Variants in XRCC4 observed in about 807,000 individuals in gnomAD.
The protein encoded by XRCC4 is DNA repair protein XRCC4.
XRCC4 carries 28 observed loss-of-function variants against 39.1 expected under a neutral mutation model. That is an observed-to-expected ratio of 0.72 (90% CI 0.53 to 0.98). The LOEUF (loss-of-function observed/expected upper bound fraction) is 0.98, where lower values mean the gene tolerates loss of function less well. Among genes scored for constraint, XRCC4 ranks in the 50% least tolerant of loss-of-function variants. XRCC4 has a pLI of 0.00. For missense variants in XRCC4, 350 were observed against 376.4 expected (o/e 0.93, Z 0.58); for synonymous variants, 123 against 126.4 (o/e 0.97, Z 0.18).
At chr5:83,212,797 C>T (rs534577053) in intron 6 of XRCC4, among the ~76,000 whole-genome samples, 1 of 151,584 alleles carries the variant, frequency 6.6e-6, no homozygotes, top group Non-Finnish European at 1.5e-5. Context: ...CATGGTGGCA[C>T]GTGCCTGTAA....
chr5:83,326,262 C>G (rs950185728), intron 7 of XRCC4, among the ~76,000 whole-genome samples: 1 of 151,936 alleles, frequency 6.6e-6, no homozygotes, highest in Non-Finnish European at 1.5e-5. Context: ...TTTAAGTAGA[C>G]CCCGTTTGTC....
At chr5:83,157,438 G>T (rs1561369637) in intron 3 of XRCC4, among the ~76,000 whole-genome samples, 1 of 152,010 alleles carries the variant, frequency 6.6e-6, no homozygotes, top group East Asian at 1.9e-4. Flanking sequence ...GAATGGATAG[G>T]CAAGGCTTGC....
intron 7 of XRCC4, among the ~76,000 whole-genome samples, chr5:83,341,908 A>G (rs1756770825): frequency 6.6e-6 from 1 of 152,208 alleles, no homozygotes; most frequent in South Asian, 2.1e-4. Context: ...CAAGTCAAAT[A>G]AAGCAGAGTC....
intron 7 of XRCC4, 22 bp downstream of exon 7, chr5:83,258,699 C>T (rs1194233715): frequency 6.2e-7 from 1 of 1,602,536 alleles, no homozygotes; most frequent in Non-Finnish European, 8.5e-7. Context: ...TATTCTTTGC[C>T]AAGAAGTGAG....
At chr5:83,089,406 T>G (rs1013063833) in intron 1 of XRCC4, among the ~76,000 whole-genome samples, 3 of 152,184 alleles carry the variant, frequency 2.0e-5, no homozygotes, top group Non-Finnish European at 2.9e-5. Context: ...TATTAAACCC[T>G]CTTTTTTTCC....
rs1022649172 is a variant in XRCC4, at chr5:83,300,267, C to T, written c.893+41590C>T. Among the ~76,000 whole-genome samples, 19 of 151,900 alleles carry T rather than the reference C, an allele frequency of 1.3e-4. 1 individual carries two copies. Among genetic ancestry groups the T allele is most frequent in the Non-Finnish European group, 2.9e-5 (2 of 67,976 alleles). ...CTTTGTCTCTCCCTGATGTGCTTCCCAAGTCTGTAAAAATACCTCACTAGC... is the reference window on the plus strand; with the variant it reads ...CTTTGTCTCTCCCTGATGTGCTTCCTAAGTCTGTAAAAATACCTCACTAGC... On this transcript the variant is annotated intron_variant, in intron 7 of 7. Transcript: ENST00000396027.
chr5:83,325,504 A>G (rs895381250), intron 7 of XRCC4, among the ~76,000 whole-genome samples: 3 of 151,566 alleles, frequency 2.0e-5, no homozygotes, highest in African/African-American at 7.3e-5. Flanking sequence ...TTGTTCTCCC[A>G]TTGTGTCCAT....
chr5:83,111,581 C>G (rs1746447763), intron 3 of XRCC4, among the ~76,000 whole-genome samples: 1 of 151,716 alleles, frequency 6.6e-6, no homozygotes, highest in Non-Finnish European at 1.5e-5. Flanking sequence ...CAAAATATAT[C>G]TTTGAATATA....
chr5:83,086,360 A>C (rs1260925866), intron 1 of XRCC4, among the ~76,000 whole-genome samples: 17 of 152,202 alleles, frequency 1.1e-4, no homozygotes, highest in Admixed American at 1.1e-3. Context: ...CTCATCAATA[A>C]CATAAACAGT....
At chr5:83,314,525 T>A (rs553462441) in intron 7 of XRCC4, among the ~76,000 whole-genome samples, 1 of 152,314 alleles carries the variant, frequency 6.6e-6, no homozygotes, top group South Asian at 2.1e-4. Context: ...TTGTGGCACT[T>A]TGCAGATATG....
chr5:83,270,031 C>T (rs1228133030), intron 7 of XRCC4, among the ~76,000 whole-genome samples: 2 of 144,740 alleles, frequency 1.4e-5, no homozygotes, highest in African/African-American at 5.3e-5. Flanking sequence ...CAAATGGTCC[C>T]ATTTGGGGGT....
chr5:83,110,051 G>A (rs1426590704), intron 2 of XRCC4, among the ~76,000 whole-genome samples: 1 of 151,910 alleles, frequency 6.6e-6, no homozygotes, highest in African/African-American at 2.4e-5. Context: ...AAATCGAGGT[G>A]AGAAATTAAC....
At chr5:83,295,846 G>A (rs948366579) in intron 7 of XRCC4, among the ~76,000 whole-genome samples, 6 of 151,960 alleles carry the variant, frequency 3.9e-5, no homozygotes, top group Non-Finnish European at 8.8e-5. Context: ...GTATACTTTG[G>A]GAAGCTTTTG....
At chr5:83,273,130 G>C (rs1459642773) in intron 7 of XRCC4, among the ~76,000 whole-genome samples, 1 of 152,198 alleles carries the variant, frequency 6.6e-6, no homozygotes, top group African/African-American at 2.4e-5. Flanking sequence ...ACTGGAGTGA[G>C]ATAGTATCTC....
At chr5:83,191,701 A>T (rs1292308336) in intron 3 of XRCC4, among the ~76,000 whole-genome samples, 1 of 152,112 alleles carries the variant, frequency 6.6e-6, no homozygotes, top group African/African-American at 2.4e-5. Flanking sequence ...CTGTCTAAAA[A>T]AACCCAAAAA....
chr5:83,110,575 A>G (rs923588198), intron 2 of XRCC4, among the ~76,000 whole-genome samples: 1 of 152,070 alleles, frequency 6.6e-6, no homozygotes, highest in Non-Finnish European at 1.5e-5. Flanking sequence ...TGATATGAGA[A>G]TAGTGAGCTC....
intron 3 of XRCC4, among the ~76,000 whole-genome samples, chr5:83,166,399 G>A (rs1368479385): frequency 6.6e-6 from 1 of 151,348 alleles, no homozygotes; most frequent in Non-Finnish European, 1.5e-5. Flanking sequence ...TCCCCACACT[G>A]TCTTCCAAAG....
At chr5:83,134,856 G>A (rs1018429906) in intron 3 of XRCC4, among the ~76,000 whole-genome samples, 3 of 152,080 alleles carry the variant, frequency 2.0e-5, no homozygotes, top group African/African-American at 7.2e-5. Context: ...CTGGGCAGAA[G>A]GAACAACTCT....
At chr5:83,099,711 A>C (rs1023187967) in intron 1 of XRCC4, among the ~76,000 whole-genome samples, 5 of 152,136 alleles carry the variant, frequency 3.3e-5, no homozygotes, top group Admixed American at 6.6e-5. Context: ...CTTGTCTTAG[A>C]TCCTTGGCTC....
Sources: gnomAD v4.1 joint callset for allele counts (sites outside exome capture counted in the v4.1 genomes callset) on GRCh38, gnomAD v4.1.1 for gene constraint, MANE v1.5 for transcripts, NCBI Gene and HGNC (gene_info 2026-07-23, HGNC 2026-07-21) for gene names.